Variants in SPATA16 observed in about 807,000 individuals in gnomAD.
SPATA16 encodes the protein spermatogenesis-associated protein 16.
A neutral mutation model predicts 63.3 loss-of-function variants in SPATA16; 36 were observed. The observed-to-expected ratio is 0.57, with a 90% CI of 0.44 to 0.75. The LOEUF (loss-of-function observed/expected upper bound fraction) is 0.75, where lower values mean the gene tolerates loss of function less well. Among genes scored for constraint, SPATA16 ranks in the 30% least tolerant of loss-of-function variants. The pLI is 0.00. For synonymous variants in SPATA16, 203 were observed against 216.7 expected (o/e 0.94, Z 0.56); for missense variants, 646 against 679.3 (o/e 0.95, Z 0.54).
chr3:173,086,017 C>A (rs1218412666), intron 2 of SPATA16, among the ~76,000 whole-genome samples: 6 of 150,576 alleles, frequency 4.0e-5, no homozygotes, highest in Non-Finnish European at 7.4e-5. Context: ...GTATCTCTGC[C>A]AGGTTTTGGT....
intron 1 of SPATA16, among the ~76,000 whole-genome samples, chr3:173,133,379 T>G (rs1738436518): frequency 6.6e-6 from 1 of 152,216 alleles, no homozygotes; most frequent in South Asian, 2.1e-4. Context: ...AGGCAGCCTT[T>G]ACCAATGTGG....
In SPATA16 at chr3:173,117,698, C is replaced by G; in HGVS notation, c.34G>C (p.Ala12Pro). 2 of 1,614,126 alleles carry G rather than the reference C, an allele frequency of 1.2e-6. No homozygotes were observed. The highest frequency in any genetic ancestry group is 1.7e-6 in the Non-Finnish European group (2 of 1,179,990). ...DAGSSRSLEN[A>P]VNRIYHDQLV... ...TGATCATGATAGATCCTATTCACTG[C>G]ATTCTCCAAACTCCTACTGCTTCCT... Residue 12 changes from alanine (A) to proline (P), a missense_variant, in exon 2 of 11, where the codon GCA becomes CCA. By Grantham distance (27) the Ala-to-Pro change is conservative. Transcript: ENST00000351008.
intron 6 of SPATA16, among the ~76,000 whole-genome samples, chr3:172,936,196 A>G (rs986012913): frequency 2.6e-5 from 4 of 152,362 alleles, no homozygotes; most frequent in Admixed American, 2.0e-4. Context: ...TGGAAGGCCT[A>G]TAATAGCTTC....
At chr3:173,034,882 A>T (rs1398432028) in intron 3 of SPATA16, among the ~76,000 whole-genome samples, 1 of 152,146 alleles carries the variant, frequency 6.6e-6, no homozygotes, top group Non-Finnish European at 1.5e-5. Context: ...AAATGAATGT[A>T]TTAATGGTTT....
chr3:172,964,050 C>T (rs1733850759), intron 5 of SPATA16, among the ~76,000 whole-genome samples: 1 of 152,168 alleles, frequency 6.6e-6, no homozygotes, highest in Admixed American at 6.5e-5. Flanking sequence ...AAACAGACCA[C>T]ATCAAACCAT....
chr3:173,123,728 C>T (rs776158224), intron 1 of SPATA16, among the ~76,000 whole-genome samples: 5 of 151,592 alleles, frequency 3.3e-5, no homozygotes, highest in Non-Finnish European at 5.9e-5. Flanking sequence ...CTCAGCCTCC[C>T]GAGTATCTGG....
intron 4 of SPATA16, among the ~76,000 whole-genome samples, chr3:173,001,308 G>A (rs531913854): frequency 5.4e-5 from 8 of 149,290 alleles, no homozygotes; most frequent in African/African-American, 1.0e-4. Context: ...GCAATAGGAC[G>A]GCTAGAGGGA....
chr3:173,093,581 T>A (rs1400158014), intron 2 of SPATA16, among the ~76,000 whole-genome samples: 1 of 152,186 alleles, frequency 6.6e-6, no homozygotes, highest in African/African-American at 2.4e-5. Flanking sequence ...AAGATTACTA[T>A]GTATATGATG....
chr3:173,109,794 T>A (rs560187310), intron 2 of SPATA16, among the ~76,000 whole-genome samples: 4 of 152,314 alleles, frequency 2.6e-5, no homozygotes, highest in African/African-American at 9.6e-5. Context: ...CAATTCCTTG[T>A]CTCTACACTT....
chr3:172,946,671 C>T (rs1577100797), intron 6 of SPATA16, among the ~76,000 whole-genome samples: 2 of 152,152 alleles, frequency 1.3e-5, no homozygotes, highest in South Asian at 2.1e-4. Context: ...AGCTCAGCCA[C>T]GTAGAACATA....
At position 172,925,319 on chromosome 3, in the gene SPATA16, T is replaced by G. The variant is rs1318537823; in HGVS notation, c.1228+27A>C. The G allele has an allele frequency of 3.1e-6, 5 of 1,613,564 alleles. No individual in the cohort carries two copies. In the South Asian group the frequency reaches 3.3e-5, roughly 11 times the overall value. On this transcript the variant is annotated intron_variant, in intron 7 of 10. Coordinates refer to ENST00000351008, the MANE Select transcript of SPATA16 (RefSeq NM_031955.6). ...AAACTCATCACAGGCTACTATATGC[T>G]AGACCTTGTAGGTTCAGATGATTTA...
intron 1 of SPATA16, among the ~76,000 whole-genome samples, chr3:173,137,190 A>G (rs1025768322): frequency 6.6e-6 from 1 of 152,224 alleles, no homozygotes; most frequent in Non-Finnish European, 1.5e-5. Context: ...TGTCCCAGAA[A>G]GAAGCAGCAC....
intron 2 of SPATA16, among the ~76,000 whole-genome samples, chr3:173,059,297 G>T (rs1560109706): frequency 6.9e-6 from 1 of 145,346 alleles, no homozygotes. Context: ...TTCCTCTTTT[G>T]ATTTCCTTAG....
At chr3:173,080,521 G>T (rs1186191569) in intron 2 of SPATA16, among the ~76,000 whole-genome samples, 11 of 152,180 alleles carry the variant, frequency 7.2e-5, no homozygotes, top group African/African-American at 2.7e-4. Context: ...GAGAGAGGAA[G>T]GATGAGGATG....
At chr3:172,955,272 T>A (rs982657866) in intron 6 of SPATA16, among the ~76,000 whole-genome samples, 3 of 152,106 alleles carry the variant, frequency 2.0e-5, no homozygotes, top group African/African-American at 7.2e-5. Flanking sequence ...CCTCAATGAA[T>A]CTCTCTTCGT....
intron 5 of SPATA16, among the ~76,000 whole-genome samples, chr3:172,959,700 T>C (rs1057470729): frequency 6.6e-5 from 10 of 151,652 alleles, no homozygotes; most frequent in Non-Finnish European, 1.2e-4. Flanking sequence ...TTTAATGTAC[T>C]AATATTTTTT....
At position 172,957,495 on chromosome 3, in the gene SPATA16, A is replaced by G. The variant is rs533766889; in HGVS notation, c.934-671T>C. On this transcript the variant is annotated intron_variant, in intron 5 of 10. Coordinates refer to ENST00000351008, the MANE Select transcript of SPATA16 (RefSeq NM_031955.6). ...TCCTGTTTTAAATAGGTCCATTACT[A>G]TTTGTAACAGACCTAAAAGAAAGTT... 1.1e-3 allele frequency among the ~76,000 whole-genome samples: 172 copies of G among 152,256 alleles called. 1 individual carries two copies. The highest frequency in any genetic ancestry group is 4.0e-3 in the African/African-American group (168 of 41,560).
At chr3:173,066,726 T>C (rs1736529503) in intron 2 of SPATA16, among the ~76,000 whole-genome samples, 1 of 152,072 alleles carries the variant, frequency 6.6e-6, no homozygotes, top group Admixed American at 6.5e-5. Context: ...CTACAGAGAC[T>C]AGAAAAATAC....
intron 3 of SPATA16, among the ~76,000 whole-genome samples, chr3:173,031,062 G>T (rs1735592521): frequency 6.6e-6 from 1 of 151,974 alleles, no homozygotes; most frequent in Non-Finnish European, 1.5e-5. Flanking sequence ...AATGGTGATT[G>T]CCAGGGGACA....
Sources: gnomAD v4.1 joint callset for allele counts (sites outside exome capture counted in the v4.1 genomes callset) on GRCh38, gnomAD v4.1.1 for gene constraint, MANE v1.5 for transcripts, NCBI Gene and HGNC (gene_info 2026-07-23, HGNC 2026-07-21) for gene names.